Variants in HECTD4 observed in about 807,000 individuals in gnomAD.
HECTD4 encodes probable E3 ubiquitin-protein ligase HECTD4.
In HECTD4, 114 loss-of-function variants were observed where a neutral mutation model predicts 471.5. The observed-to-expected ratio is 0.24, with a 90% CI of 0.21 to 0.28. HECTD4 has a LOEUF of 0.28. Among genes scored for constraint, HECTD4 ranks in the 10% least tolerant of loss-of-function variants. HECTD4 has a pLI of 1.00. For synonymous variants in HECTD4, 2,012 were observed against 2,256.0 expected (o/e 0.89, Z 3.07); for missense variants, 3,866 against 5,651.5 (o/e 0.68, Z 10.13).
intron 58 of HECTD4, 61 bp from the exon 59 acceptor site, chr12:112,192,826 A>G: frequency 7.1e-7 from 1 of 1,402,296 alleles, no homozygotes. Context: ...GGGGACAGGC[A>G]GCTTTGCCTT....
Position 112,226,655 on chromosome 12 carries a change from C to G in HECTD4, c.6958G>C (p.Glu2320Gln). 6.2e-7 allele frequency: 1 copy of G among 1,608,438 alleles called. No homozygotes were observed. The highest frequency in any genetic ancestry group is 8.5e-7 in the Non-Finnish European group (1 of 1,176,358). The part of the protein sequence containing the change: ...AVEVLNLVAQ[E>Q]CSAGERLAVV... The stretch of plus-strand genomic sequence containing the variant: ...TTCAGGTACTCACCAGCACTACATT[C>G]CTGGGCTACTAGGTTAAGAACTTCA... Residue 2320 changes from glutamate (E) to glutamine (Q), a missense_variant, in exon 44 of 76, where the codon GAA (glutamate) becomes CAA (glutamine). By Grantham distance (29) the Glu-to-Gln change is conservative (BLOSUM62 2). Transcript: ENST00000682272.
At chr12:112,362,228 T>C (rs777905576) in intron 1 of HECTD4, among the ~76,000 whole-genome samples, 4 of 152,248 alleles carry the variant, frequency 2.6e-5, no homozygotes, top group Non-Finnish European at 5.9e-5. Context: ...GTTTCAGTTG[T>C]TTCAAAGCTG....
rs1051110158 is a variant in HECTD4, at chr12:112,163,880, TGCCTCTGGTGCC to T, written c.12702-155_12702-144del. 5.7e-6 allele frequency: 5 copies of T among 871,378 alleles called. No individual in the cohort carries two copies. Among genetic ancestry groups the T allele is most frequent in the Non-Finnish European group, 8.2e-6 (5 of 612,056 alleles). The allele number at this position is 871,378 out of a possible 1,614,324, so 54.0% of individuals were successfully genotyped here. ...CGCCCTGGTCATCCCAGTCCTTTCCTGCCTCTGGTGCCGCCGCCTCAGAGCTGCTGTTTTCTT... is the reference window on the plus strand; with the variant it reads ...CGCCCTGGTCATCCCAGTCCTTTCCTGCCGCCTCAGAGCTGCTGTTTTCTT... On this transcript the variant is annotated intron_variant, in intron 73 of 75. Coordinates refer to ENST00000682272, the MANE Select transcript of HECTD4 (RefSeq NM_001388303.1). The surrounding 1 kb of genome is among the most constrained non-coding windows in gnomAD (Gnocchi z 8.2).
intron 40 of HECTD4, among the ~76,000 whole-genome samples, chr12:112,230,115 T>C (rs2033341763): frequency 6.6e-6 from 1 of 152,150 alleles, no homozygotes; most frequent in South Asian, 2.1e-4. Flanking sequence ...CACTAAAACC[T>C]CTAAAATGAA....
intron 17 of HECTD4, among the ~76,000 whole-genome samples, 155 bp downstream of exon 17, chr12:112,263,929 A>G (rs764260688): frequency 1.3e-5 from 2 of 152,162 alleles, no homozygotes; most frequent in Non-Finnish European, 2.9e-5. Flanking sequence ...GTGTAATGAC[A>G]TAAAAAATCT....
chr12:112,310,450 T>C (rs1377769168), intron 4 of HECTD4, among the ~76,000 whole-genome samples: 2 of 152,178 alleles, frequency 1.3e-5, no homozygotes, highest in East Asian at 3.8e-4. Flanking sequence ...TGGTAATTGG[T>C]TTAGTAACTC....
At chr12:112,178,270 G>T (rs1248449469) in intron 64 of HECTD4, among the ~76,000 whole-genome samples, 1 of 152,130 alleles carries the variant, frequency 6.6e-6, no homozygotes, top group Non-Finnish European at 1.5e-5. Context: ...TAGAGATGGT[G>T]TTTTGCCATG....
chr12:112,317,873 G>A (rs1594038817), intron 2 of HECTD4, among the ~76,000 whole-genome samples: 3 of 150,998 alleles, frequency 2.0e-5, no homozygotes, highest in South Asian at 2.1e-4. Flanking sequence ...CCAGCTACTC[G>A]GGAGGCTGAG....
chr12:112,371,122 C>T (rs1165764620), intron 1 of HECTD4, among the ~76,000 whole-genome samples: 1 of 152,076 alleles, frequency 6.6e-6, no homozygotes, highest in Admixed American at 6.6e-5. Context: ...CTCGAGCCAA[C>T]AGGTAGTATT....
chr12:112,164,742 C>T (rs2030861943), intron 72 of HECTD4, among the ~76,000 whole-genome samples: 1 of 151,848 alleles, frequency 6.6e-6, no homozygotes, highest in Non-Finnish European at 1.5e-5. Flanking sequence ...CTGCCTCAGC[C>T]TCCCGAGTAG....
chr12:112,280,784 CTTT>C (rs569956040), intron 8 of HECTD4, among the ~76,000 whole-genome samples: 37 of 115,246 alleles, frequency 3.2e-4, no homozygotes, highest in African/African-American at 1.0e-3. Context: ...GGAATAAAAA[CTTT>C]TTTTTTTTTT....
At chr12:112,342,698 A>G (rs2036074666) in intron 1 of HECTD4, among the ~76,000 whole-genome samples, 1 of 152,230 alleles carries the variant, frequency 6.6e-6, no homozygotes, top group Admixed American at 6.5e-5. Context: ...TCTAGTGCAA[A>G]ATGGATTTTA....
In HECTD4 at chr12:112,211,118, G is replaced by A. The variant is rs189038072; in HGVS notation, c.7630-866C>T. Among the ~76,000 whole-genome samples the A allele has an allele frequency of 7.0e-3, 1,069 of 152,262 alleles. 11 individuals are homozygous for A. Among genetic ancestry groups the A allele is most frequent in the African/African-American group, 0.025 (1,036 of 41,548 alleles). On this transcript the variant is annotated intron_variant, in intron 49 of 75. Transcript: ENST00000682272. ...TGTAATCCCAGCACTTTGGGAGGCC[G>A]AGGTGGGCGGATCATGAGGTCAGGA...
intron 32 of HECTD4, among the ~76,000 whole-genome samples, chr12:112,242,709 G>C (rs2135579425): frequency 6.6e-6 from 1 of 151,384 alleles, no homozygotes; most frequent in African/African-American, 2.4e-5. Flanking sequence ...TCGGGAGTTT[G>C]AGACCAGCCT....
At chr12:112,366,962 A>G (rs1009984070) in intron 1 of HECTD4, among the ~76,000 whole-genome samples, 2 of 151,250 alleles carry the variant, frequency 1.3e-5, no homozygotes, top group African/African-American at 4.9e-5. Flanking sequence ...ATGTGGGTAC[A>G]CTGCCAATAC....
chr12:112,279,392 G>A lies in HECTD4; in HGVS notation c.1529-6C>T, dbSNP rs762514577. ...CAGCCCACAGCTAGTATTTGCTGGA[G>A]AAAGGAATGAAAATGCTAAATCAAA... On this transcript the variant is annotated splice_polypyrimidine_tract_variant and splice_region_variant and intron_variant, in intron 8 of 75. Coordinates refer to ENST00000682272, the MANE Select transcript of HECTD4 (RefSeq NM_001388303.1). The A allele has an allele frequency of 1.5e-5, 23 of 1,577,230 alleles. No homozygotes were observed. Among genetic ancestry groups the A allele is most frequent in the Admixed American group, 2.1e-5 (1 of 47,738 alleles).
In HECTD4 at chr12:112,228,317, A is replaced by G; in HGVS notation, c.6685-59T>C. On this transcript the variant is annotated intron_variant, in intron 42 of 75. Transcript: ENST00000682272. This position sits in a 1 kb window ranked among gnomAD's most constrained non-coding sequence, Gnocchi z 4.9. ...AATTCAAGTAGTTAGTTTATAAGAA[A>G]TGAGGGTGTTATTATTATCTGGAGT... 1 of 1,439,894 alleles carries G rather than the reference A, an allele frequency of 6.9e-7. No individual in the cohort carries two copies. 89.2% of individuals were successfully genotyped at this position (1,439,894 alleles called of 1,614,324 possible). A position where few individuals can be genotyped will look rare whatever the true frequency, so the allele number is the denominator to read the frequency against.
At chr12:112,370,671 G>A (rs1037777276) in intron 1 of HECTD4, among the ~76,000 whole-genome samples, 1 of 152,038 alleles carries the variant, frequency 6.6e-6, no homozygotes, top group Non-Finnish European at 1.5e-5. Context: ...CACTAATTTA[G>A]CCAGGGCAAG....
chr12:112,233,423 A>G (rs2033431049), intron 37 of HECTD4, among the ~76,000 whole-genome samples: 1 of 151,452 alleles, frequency 6.6e-6, no homozygotes, highest in African/African-American at 2.4e-5. Flanking sequence ...GGATCTCACT[A>G]TGTTGCCCAG....
Sources: gnomAD v4.1 joint callset for allele counts (sites outside exome capture counted in the v4.1 genomes callset) on GRCh38, gnomAD v4.1.1 for gene constraint, Gnocchi (gnomAD v3.1) non-coding constraint, MANE v1.5 for transcripts, NCBI Gene and HGNC (gene_info 2026-07-23, HGNC 2026-07-21) for gene names.